Variants in ZFHX3 observed in about 807,000 individuals in gnomAD.
ZFHX3 encodes the protein zinc finger homeobox protein 3.
ZFHX3 carries 42 observed loss-of-function variants against 279.1 expected under a neutral mutation model. The ratio of observed to expected loss-of-function variants is 0.15; its 90% CI spans 0.12 to 0.19. ZFHX3 has a LOEUF of 0.19. ZFHX3 is among the 10% of genes least tolerant of loss of function. The pLI, the probability that ZFHX3 is intolerant of heterozygous loss-of-function variation, is 1.00. For missense variants in ZFHX3, 4,981 were observed against 4,754.0 expected, an observed-to-expected ratio of 1.05 and a Z score of -1.40; for synonymous variants, 2,293 against 1,957.8, an observed-to-expected ratio of 1.17 and a Z score of -4.52.
intron 1 of ZFHX3, among the ~76,000 whole-genome samples, chr16:73,854,371 A>G (rs1168281026): frequency 1.3e-5 from 2 of 152,092 alleles, no homozygotes; most frequent in African/African-American, 2.4e-5. Flanking sequence ...ACTAAAAAAT[A>G]CAAAAATTAG....
rs137976715 is a variant in ZFHX3, at chr16:73,139,510, G to C, written c.-1024+4242C>G. On this transcript the variant is annotated intron_variant, in intron 6 of 17. Coordinates refer to the ZFHX3 transcript ENST00000641206. ...TTTAATCAGAAAAATAAAGCTTAAAGCTAGGTCTATATTTGAGAGAAAAAA... is the reference window on the plus strand; with the variant it reads ...TTTAATCAGAAAAATAAAGCTTAAACCTAGGTCTATATTTGAGAGAAAAAA... Among the ~76,000 whole-genome samples, 324 of 152,266 alleles carry C rather than the reference G, an allele frequency of 2.1e-3. 2 individuals are homozygous for C. Among genetic ancestry groups the C allele is most frequent in the African/African-American group, 6.6e-3 (275 of 41,548 alleles).
intron 4 of ZFHX3, among the ~76,000 whole-genome samples, chr16:73,283,982 A>G (rs2014523786): frequency 6.6e-6 from 1 of 151,832 alleles, no homozygotes; most frequent in South Asian, 2.1e-4. Context: ...AACAGTTTTT[A>G]TTCACTGCAG....
At chr16:72,989,845 G>A (rs912793088) in intron 1 of ZFHX3, among the ~76,000 whole-genome samples, 4 of 152,314 alleles carry the variant, frequency 2.6e-5, no homozygotes, top group Admixed American at 2.6e-4. Flanking sequence ...TTATATGTGG[G>A]GAAGTGGTGT....
At chr16:73,217,896 A>G (rs1278892921) in intron 5 of ZFHX3, among the ~76,000 whole-genome samples, 3 of 152,182 alleles carry the variant, frequency 2.0e-5, no homozygotes, top group African/African-American at 7.2e-5. Flanking sequence ...TAAAAAAAAA[A>G]AATTAAACTC....
chr16:73,731,964 C>T (rs1407345507), intron 1 of ZFHX3, among the ~76,000 whole-genome samples: 1 of 152,160 alleles, frequency 6.6e-6, no homozygotes, highest in Non-Finnish European at 1.5e-5. Context: ...CAAGTACCTG[C>T]TGATTTGTTA....
At chr16:73,794,217 C>G (rs1387135245) in intron 1 of ZFHX3, 1 of 152,244 alleles carries the variant, frequency 6.6e-6, no homozygotes, top group East Asian at 1.9e-4. Context: ...TCGGTCACCA[C>G]AAGCTACAGG....
intron 1 of ZFHX3, among the ~76,000 whole-genome samples, chr16:73,724,512 G>A (rs78645988): frequency 6.6e-6 from 1 of 152,104 alleles, no homozygotes; most frequent in African/African-American, 2.4e-5. Flanking sequence ...GGCCACAGTG[G>A]GCTGTCTGGC....
intron 1 of ZFHX3, among the ~76,000 whole-genome samples, chr16:73,723,649 T>C (rs1330937324): frequency 1.3e-5 from 2 of 152,218 alleles, no homozygotes; most frequent in Admixed American, 1.3e-4. Flanking sequence ...TTGTTTTTCT[T>C]GTATTATTTT....
chr16:73,649,059 T>C (rs556644892), intron 2 of ZFHX3, among the ~76,000 whole-genome samples: 1 of 152,280 alleles, frequency 6.6e-6, no homozygotes, highest in African/African-American at 2.4e-5. Context: ...AAGAAAGAGA[T>C]CAACAGGAAC....
At chr16:73,848,485 G>C (rs886984094) in intron 1 of ZFHX3, among the ~76,000 whole-genome samples, 1 of 152,084 alleles carries the variant, frequency 6.6e-6, no homozygotes, top group Non-Finnish European at 1.5e-5. Context: ...CCCCTCAAAC[G>C]CAATAGACCA....
At chr16:73,781,295 AC>A (rs1463080225) in intron 1 of ZFHX3, among the ~76,000 whole-genome samples, 1 of 152,176 alleles carries the variant, frequency 6.6e-6, no homozygotes, top group Non-Finnish European at 1.5e-5. Flanking sequence ...GTAAGGCTCT[AC>A]CCCCAAAGAT....
intron 7 of ZFHX3, among the ~76,000 whole-genome samples, chr16:73,118,212 T>A (rs569551331): frequency 3.9e-4 from 59 of 152,168 alleles, no homozygotes; most frequent in African/African-American, 1.4e-3. Context: ...TTGTTCTTAG[T>A]TTTTTTTGTT....
At chr16:73,114,750 C>T (rs1966412662) in intron 7 of ZFHX3, among the ~76,000 whole-genome samples, 1 of 152,154 alleles carries the variant, frequency 6.6e-6, no homozygotes, top group Non-Finnish European at 1.5e-5. Context: ...ATAAGTTTTG[C>T]CACCTTGTGA....
In ZFHX3 at chr16:72,811,572, C is replaced by G; in HGVS notation, c.3864+5G>C. ...ACCACAGGGTGCTGCTCCTGGCTGCCTTACCGTCATAATGAGCTTCTCCAC... is the reference window on the plus strand; with the variant it reads ...ACCACAGGGTGCTGCTCCTGGCTGCGTTACCGTCATAATGAGCTTCTCCAC... On this transcript the variant is annotated splice_donor_5th_base_variant and intron_variant, in intron 7 of 9. Coordinates refer to ENST00000268489, the MANE Select transcript of ZFHX3 (RefSeq NM_006885.4). 1 of 1,578,656 alleles carries G rather than the reference C, an allele frequency of 6.3e-7. No homozygotes were observed. Among genetic ancestry groups the G allele is most frequent in the Non-Finnish European group, 8.6e-7 (1 of 1,158,682 alleles).
intron 1 of ZFHX3, among the ~76,000 whole-genome samples, chr16:72,980,653 C>T (rs930862772): frequency 1.3e-5 from 2 of 151,650 alleles, no homozygotes; most frequent in Admixed American, 1.3e-4. Context: ...CGCCTGTAGT[C>T]CCAGCTACTT....
intron 1 of ZFHX3, among the ~76,000 whole-genome samples, chr16:73,836,167 C>A (rs1171150278): frequency 6.6e-6 from 1 of 152,192 alleles, no homozygotes; most frequent in Non-Finnish European, 1.5e-5. Context: ...TCTTCAGTGT[C>A]CCCAGGTAAA....
intron 4 of ZFHX3, among the ~76,000 whole-genome samples, chr16:72,888,446 G>T (rs1418898500): frequency 6.6e-6 from 1 of 152,178 alleles, no homozygotes; most frequent in Non-Finnish European, 1.5e-5. Context: ...CTGGGAGGTG[G>T]GACCAGTGGT....
chr16:73,052,871 T>C (rs1411901794), upstream of ZFHX3, among the ~76,000 whole-genome samples: 1 of 152,154 alleles, frequency 6.6e-6, no homozygotes, highest in African/African-American at 2.4e-5. Flanking sequence ...CTGCTGCCTT[T>C]GGTCTGGGAG....
chr16:73,719,058 AGCTACAACAG>A (rs2053447308), intron 1 of ZFHX3, among the ~76,000 whole-genome samples: 1 of 152,220 alleles, frequency 6.6e-6, no homozygotes, highest in South Asian at 2.1e-4. Context: ...TCACATGTTC[AGCTACAACAG>A]GCAGTGTACA....
Sources: gnomAD v4.1 joint callset for allele counts (sites outside exome capture counted in the v4.1 genomes callset) on GRCh38, gnomAD v4.1.1 for gene constraint, MANE v1.5 for transcripts, NCBI Gene and HGNC (gene_info 2026-07-23, HGNC 2026-07-21) for gene names.